Variants in ZNF142 observed in about 807,000 individuals in gnomAD.
ZNF142 encodes the protein zinc finger protein 142 (clone pHZ-49).
Under a neutral mutation model 132.1 loss-of-function variants are expected in ZNF142, and 96 were observed. The ratio of observed to expected loss-of-function variants is 0.73; its 90% CI spans 0.62 to 0.86. The LOEUF is 0.86. ZNF142 is among the 40% of genes least tolerant of loss of function. The pLI, the probability that ZNF142 is intolerant of heterozygous loss-of-function variation, is 0.00. For missense variants in ZNF142, 2,163 were observed against 2,336.2 expected (o/e 0.93, Z 1.53); for synonymous variants, 842 against 890.1 (o/e 0.95, Z 0.96).
chr2:218,641,932 G>T, intron 9 of ZNF142, 96 bp downstream of exon 9: 1 of 1,447,496 alleles, frequency 6.9e-7, no homozygotes, highest in Admixed American at 2.5e-5. Context: ...AAGTCACAGA[G>T]CTAATATCTG....
At chr2:218,645,864 C>T (rs549097990) in intron 8 of ZNF142, among the ~76,000 whole-genome samples, 15 of 152,278 alleles carry the variant, frequency 9.9e-5, no homozygotes, top group African/African-American at 3.4e-4. Context: ...CCGGCTCAAG[C>T]GATTCTAGTG....
In ZNF142 at chr2:218,658,757, G is replaced by C. The variant is rs557643423; in HGVS notation, c.-91C>G. On this transcript the variant is annotated 5_prime_UTR_variant, in exon 3 of 11. Coordinates refer to ENST00000411696, the MANE Select transcript of ZNF142 (RefSeq NM_001379659.1). ...AGCTTGACCATACATGGCCTCCGGG[G>C]GGAGCCAAGGAGGACGCTGAGCCGT... is the stretch of plus-strand genomic sequence containing the variant. The C allele has an allele frequency of 3.9e-5, 6 of 152,326 alleles. No homozygotes were observed. The South Asian group carries it at 1.2e-3, about 32-fold the overall frequency. The allele number at this position is 152,326 out of a possible 1,614,324, so 9.4% of individuals were successfully genotyped here.
chr2:218,638,489 C>A lies in ZNF142; in HGVS notation c.5514G>T (p.Lys1838Asn). ...YKAKQKFQVV[K>N]HVRRHHPDQA... Reference sequence around the variant, plus strand: ...GGTCAGGGTGGTGCCTGCGTACGTGCTTGACCACCTGGAACTTTTGCTTGG... The same window carrying A: ...GGTCAGGGTGGTGCCTGCGTACGTGATTGACCACCTGGAACTTTTGCTTGG... Residue 1838 changes from lysine to asparagine, a missense_variant, in exon 11 of 11, where the codon AAG becomes AAT. Lys to Asn is a moderately conservative substitution (Grantham distance 94, BLOSUM62 0). Around this residue, in one of 7 missense-constraint regions of ZNF142, gnomAD observed 325 missense variants for 367.8 expected, o/e 0.88. Coordinates refer to ENST00000411696, the MANE Select transcript of ZNF142 (RefSeq NM_001379659.1). 6.2e-7 allele frequency: 1 copy of A among 1,603,646 alleles called. No individual in the cohort carries two copies. The highest frequency in any genetic ancestry group is 8.5e-7 in the Non-Finnish European group (1 of 1,173,240).
intron 3 of ZNF142, among the ~76,000 whole-genome samples, chr2:218,657,387 T>A (rs1938613737): frequency 6.6e-6 from 1 of 152,140 alleles, no homozygotes; most frequent in Admixed American, 6.5e-5. Flanking sequence ...CAATTAACTA[T>A]CCTTGAAGAA....
chr2:218,634,390 C>T lies in ZNF142; in HGVS notation c.*3949G>A. ...GTGCACCCAGTACCTATCTTCTTAA[C>T]TCCCTGAAAGAGGGGCTGGAAGGCC... On this transcript the variant is annotated 3_prime_UTR_variant, in exon 11 of 11. Transcript: ENST00000411696. This position sits in a 1 kb window ranked among gnomAD's most constrained non-coding sequence, Gnocchi z 4.0. 2 of 1,577,514 alleles carry T rather than the reference C, an allele frequency of 1.3e-6. No homozygotes were observed. Among genetic ancestry groups the T allele is most frequent in the South Asian group, 1.2e-5 (1 of 84,824 alleles).
At position 218,636,153 on chromosome 2, in the gene ZNF142, C is replaced by T. The variant is rs1559279659; in HGVS notation, c.*2186G>A. The T allele has an allele frequency of 2.1e-6, 3 of 1,436,664 alleles. No homozygotes were observed. Among genetic ancestry groups the T allele is most frequent in the Non-Finnish European group, 2.9e-6 (3 of 1,031,246 alleles). The allele number at this position is 1,436,664 out of a possible 1,614,324, so 89.0% of individuals were successfully genotyped here. On this transcript the variant is annotated 3_prime_UTR_variant, in exon 11 of 11. Coordinates refer to ENST00000411696, the MANE Select transcript of ZNF142 (RefSeq NM_001379659.1). Reference sequence around the variant, plus strand: ...TTCCTTACCTGTAAAATGCTGATTGCCATCTAGATTAAATGAGAACACAAG... The same window carrying T: ...TTCCTTACCTGTAAAATGCTGATTGTCATCTAGATTAAATGAGAACACAAG...
chr2:218,636,316 G>GGTAATGGATT lies in ZNF142; in HGVS notation c.*2013_*2022dup. The GGTAATGGATT allele has an allele frequency of 1.2e-6, 2 of 1,614,016 alleles. No homozygotes were observed. Among genetic ancestry groups the GGTAATGGATT allele is most frequent in the Non-Finnish European group, 1.7e-6 (2 of 1,179,888 alleles). On this transcript the variant is annotated 3_prime_UTR_variant, in exon 11 of 11. Coordinates refer to ENST00000411696, the MANE Select transcript of ZNF142 (RefSeq NM_001379659.1). Reference sequence around the variant, plus strand: ...CTGAACTTGCCATGCTGCGTTTTGTGGTAATGGATTATGACTGGAAATCCC... The same window carrying GGTAATGGATT: ...CTGAACTTGCCATGCTGCGTTTTGTGGTAATGGATTGTAATGGATTATGACTGGAAATCCC...
rs181816961 is a variant in ZNF142, at chr2:218,649,474, A to G, written c.1049-15T>C. Reference sequence around the variant, plus strand: ...GACCACATCCCCTGGGAAAGGGAATACAGAGAGTTGAGAGAGTGAGATTTT... The same window carrying G: ...GACCACATCCCCTGGGAAAGGGAATGCAGAGAGTTGAGAGAGTGAGATTTT... On this transcript the variant is annotated splice_polypyrimidine_tract_variant and intron_variant, in intron 6 of 10. Coordinates refer to ENST00000411696, the MANE Select transcript of ZNF142 (RefSeq NM_001379659.1). 8.4e-6 allele frequency: 13 copies of G among 1,554,476 alleles called. No homozygotes were observed. The Admixed American group carries it at 2.6e-4, about 31-fold the overall frequency.
chr2:218,646,649 C>G (rs1351066907), intron 7 of ZNF142, among the ~76,000 whole-genome samples: 2 of 152,176 alleles, frequency 1.3e-5, no homozygotes, highest in East Asian at 1.9e-4. Context: ...AGTGACGCTA[C>G]CTCAGCTCAC....
In ZNF142 at chr2:218,642,351, C is replaced by T. The variant is rs763843619; in HGVS notation, c.4765G>A (p.Ala1589Thr). The change falls in exon 9 of 11, where the codon GCC (alanine) becomes ACC (threonine). Residue 1589 changes from alanine to threonine, a missense_variant. Coordinates refer to ENST00000411696, the MANE Select transcript of ZNF142 (RefSeq NM_001379659.1). This position sits in a 1 kb window ranked among gnomAD's most constrained non-coding sequence, Gnocchi z 4.6. The part of the protein sequence containing the change: ...SHRCQLCDFA[A>T]RERVGLVKHY... ...TTTACCAGGCCCACCCGCTCCCGGG[C>T]AGCAAAGTCACAGAGCTGACAGCGG... 2 of 1,613,406 alleles carry T rather than the reference C, an allele frequency of 1.2e-6. No homozygotes were observed. The highest frequency in any genetic ancestry group is 2.2e-5 in the East Asian group (1 of 44,882).
chr2:218,648,131 C>G (rs2106239577), intron 7 of ZNF142, among the ~76,000 whole-genome samples: 1 of 111,764 alleles, frequency 8.9e-6, no homozygotes, highest in Middle Eastern at 6.0e-3. Context: ...ATCAAGAATG[C>G]TAGAAGACAG....
chr2:218,645,636 A>C (rs147037333), intron 8 of ZNF142, among the ~76,000 whole-genome samples: 1 of 152,180 alleles, frequency 6.6e-6, no homozygotes, highest in African/African-American at 2.4e-5. Flanking sequence ...CTGTAGGTCT[A>C]TACTCCCTTC....
At position 218,633,964 on chromosome 2, in the gene ZNF142, C is replaced by A; in HGVS notation, c.*4375G>T. 7.9e-7 allele frequency: 1 copy of A among 1,273,394 alleles called. No individual in the cohort carries two copies. The highest frequency in any genetic ancestry group is 1.1e-6 in the Non-Finnish European group (1 of 919,854). 78.9% of individuals were successfully genotyped at this position (1,273,394 alleles called of 1,614,324 possible). On this transcript the variant is annotated 3_prime_UTR_variant, in exon 11 of 11. Coordinates refer to ENST00000411696, the MANE Select transcript of ZNF142 (RefSeq NM_001379659.1). ...GGGCAGGAAAGCTGGTCTGGATGGA[C>A]AGAGTAGAGAGGCACAGTGAAACTT... is the stretch of plus-strand genomic sequence containing the variant.
chr2:218,645,565 A>G (rs1291137835), intron 8 of ZNF142, among the ~76,000 whole-genome samples: 2 of 152,150 alleles, frequency 1.3e-5, no homozygotes, highest in Non-Finnish European at 2.9e-5. Context: ...TATAGTGTCT[A>G]TCCACTTTCC....
chr2:218,649,049 G>T lies in ZNF142; in HGVS notation c.1459C>A (p.Arg487Ser), dbSNP rs376830215. ...AAAAAEPLPL[R>S]CFQEGCSYAA... ...TAGCTGCAGCCCTCCTGAAAGCAGC[G>T]AAGGGGTAATGGCTCTGCTGCGGCT... is the stretch of plus-strand genomic sequence containing the variant. Residue 487 changes from arginine (R) to serine (S), a missense_variant, in exon 7 of 11, where the codon CGC becomes AGC. This residue lies in a region of ZNF142 where 749 missense variants were observed against 830.3 expected (regional missense o/e 0.90). Coordinates refer to ENST00000411696, the MANE Select transcript of ZNF142 (RefSeq NM_001379659.1). The T allele has an allele frequency of 3.3e-5, 53 of 1,613,496 alleles. No homozygotes were observed. Among genetic ancestry groups the T allele is most frequent in the Non-Finnish European group, 4.3e-5 (51 of 1,180,048 alleles).
intron 7 of ZNF142, among the ~76,000 whole-genome samples, chr2:218,647,422 C>CCAAAAAAAAAAAAAAAA (rs1697833718): frequency 2.6e-5 from 1 of 38,650 alleles, no homozygotes; most frequent in African/African-American, 9.0e-5. Flanking sequence ...GACTCCATCT[C>CCAAAAAAAAAAAAAAAA]AAAAAAAAAA....
intron 4 of ZNF142, among the ~76,000 whole-genome samples, chr2:218,652,943 C>A (rs1938145050): frequency 1.3e-5 from 2 of 150,238 alleles, no homozygotes; most frequent in South Asian, 4.2e-4. Context: ...TACATTTATT[C>A]TGCTGGTCTG....
chr2:218,650,548 T>C (rs1188827640), intron 5 of ZNF142, 22 bp from the exon 6 acceptor site: 3 of 1,544,316 alleles, frequency 1.9e-6, no homozygotes, highest in Non-Finnish European at 2.6e-6. Context: ...TAAAACTTGA[T>C]AAAGTCTACA....
At position 218,643,532 on chromosome 2, in the gene ZNF142, G is replaced by T. The variant is rs1487895289; in HGVS notation, c.3584C>A (p.Ala1195Asp). Residue 1195 changes from alanine (A) to aspartate (D), a missense_variant, in exon 9 of 11, where the codon GCC becomes GAC. Ala to Asp is a moderately radical substitution (Grantham distance 126, BLOSUM62 -2). Coordinates refer to ENST00000411696, the MANE Select transcript of ZNF142 (RefSeq NM_001379659.1). ...TGGGTCAAGGTGGTGCTTCTTAGGG[G>T]CCTCCGTGGGTGAGGAGTTTCCTGC... ...PPAGNSSPTE[A>D]PKKHHLDPVP... is the part of the protein sequence containing the mutation. 2.5e-6 allele frequency: 4 copies of T among 1,609,716 alleles called. No individual in the cohort carries two copies. The highest frequency in any genetic ancestry group is 3.4e-6 in the Non-Finnish European group (4 of 1,177,042).
Sources: gnomAD v4.1 joint callset for allele counts (sites outside exome capture counted in the v4.1 genomes callset) on GRCh38, gnomAD v4.1.1 for gene constraint, gnomAD v4.1.1 regional missense constraint, Gnocchi (gnomAD v3.1) non-coding constraint, MANE v1.5 for transcripts, NCBI Gene and HGNC (gene_info 2026-07-23, HGNC 2026-07-21) for gene names.